Variants in WNK1 observed in about 807,000 individuals in gnomAD.
WNK1 encodes the protein serine/threonine-protein kinase WNK1.
A neutral mutation model predicts 222.8 loss-of-function variants in WNK1; 38 were observed. The observed-to-expected ratio is 0.17, with a 90% CI of 0.13 to 0.22. The LOEUF is 0.22. Ranked by LOEUF, WNK1 falls within the 10% of genes least tolerant of loss-of-function variation. The probability of loss-of-function intolerance (pLI) is 1.00; values close to 1 mark genes in which losing one functional copy is unlikely to be tolerated. For missense variants in WNK1, 2,348 were observed against 2,918.4 expected, an observed-to-expected ratio of 0.80 and a Z score of 4.50; for synonymous variants, 1,090 against 1,092.9, an observed-to-expected ratio of 1.00 and a Z score of 0.05.
chr12:861,145 G>A lies in WNK1; in HGVS notation c.1753G>A (p.Glu585Lys), dbSNP rs758783032. Residue 585 changes from glutamate (E) to lysine (K), a missense_variant, in exon 7 of 28, where the codon GAA (glutamate) becomes AAA (lysine). Around this residue, in one of 13 missense-constraint regions of WNK1, gnomAD observed 103 missense variants for 111.5 expected, o/e 0.92. Coordinates refer to ENST00000315939, the MANE Select transcript of WNK1 (RefSeq NM_018979.4). ...VREEQEKKKQ[E>K]ESSLKQQVEQ... is the part of the protein sequence containing the mutation. ...GGAGGAGCAAGAAAAAAAAAAGCAG[G>A]AAGAGAGCAGTCTCAAACAGCAGGT... 6.2e-7 allele frequency: 1 copy of A among 1,613,834 alleles called. No homozygotes were observed.
chr12:871,984 C>T (rs1952194955), intron 9 of WNK1, among the ~76,000 whole-genome samples: 1 of 152,168 alleles, frequency 6.6e-6, no homozygotes, highest in African/African-American at 2.4e-5. Context: ...AGTGATTTGT[C>T]ATTACCTTCA....
At position 908,852 on chromosome 12, in the gene WNK1, T is replaced by TGGGGGGGGGGGGGGGGG; in HGVS notation, c.*65_*66insGGGGGGGGGGGGGGGGG. On this transcript the variant is annotated 3_prime_UTR_variant, in exon 28 of 28. Transcript: ENST00000315939. ...GGAGATGGAATGCTGAGGGGGTGGG[T>TGGGGGGGGGGGGGGGGG]GGGGGTGGGAAGTAGCCTATATACT... The TGGGGGGGGGGGGGGGGG allele has an allele frequency of 4.2e-6, 1 of 237,430 alleles. No individual in the cohort carries two copies. Among genetic ancestry groups the TGGGGGGGGGGGGGGGGG allele is most frequent in the Admixed American group, 4.8e-5 (1 of 20,810 alleles). The allele number at this position is 237,430 out of a possible 1,614,324, so 14.7% of individuals were successfully genotyped here. A position where few individuals can be genotyped will look rare whatever the true frequency, so the allele number is the denominator to read the frequency against.
At chr12:851,987 A>G (rs1255743852) in intron 4 of WNK1, among the ~76,000 whole-genome samples, 1 of 152,090 alleles carries the variant, frequency 6.6e-6, no homozygotes, top group Non-Finnish European at 1.5e-5. Flanking sequence ...GCTTTTGTAA[A>G]TTCTGAATGG....
chr12:757,606 C>G (rs968166764), intron 1 of WNK1, among the ~76,000 whole-genome samples: 4 of 152,052 alleles, frequency 2.6e-5, no homozygotes, highest in African/African-American at 9.7e-5. Context: ...TTTTATTAGA[C>G]AAGTAGTGCA....
At position 907,899 on chromosome 12, in the gene WNK1, A is replaced by G; in HGVS notation, c.6696A>G (p.Gln2232=). 1 of 1,614,120 alleles carries G rather than the reference A, an allele frequency of 6.2e-7. No individual in the cohort carries two copies. Among genetic ancestry groups the G allele is most frequent in the Non-Finnish European group, 8.5e-7 (1 of 1,180,030 alleles). ...VGATVNSQAA[Q]AQPPAMTSSR... Reference sequence around the variant, plus strand: ...CAACAGTGAACAGCCAAGCCGCCCAAGCTCAGCCTCCTGCCATGACGTCCA... The same window carrying G: ...CAACAGTGAACAGCCAAGCCGCCCAGGCTCAGCCTCCTGCCATGACGTCCA... The change falls in exon 27 of 28, where the codon CAA becomes CAG. Residue 2232 remains glutamine (Q), a synonymous_variant. Transcript: ENST00000315939.
At position 763,186 on chromosome 12, in the gene WNK1, G is replaced by A. The variant is rs1017703545; in HGVS notation, c.759+8862G>A. On this transcript the variant is annotated intron_variant, in intron 1 of 27. Transcript: ENST00000315939. The stretch of plus-strand genomic sequence containing the variant: ...CCATTAGACTAAGTGACTAAAGGAC[G>A]AGATGGGTGGGTGGCATTAACAGTG... Among the ~76,000 whole-genome samples the A allele has an allele frequency of 4.7e-5, 7 of 147,590 alleles. 2 individuals carry two copies. Among genetic ancestry groups the A allele is most frequent in the South Asian group, 2.2e-4 (1 of 4,500 alleles).
At chr12:770,438 ATGT>A (rs1249879053) in intron 1 of WNK1, among the ~76,000 whole-genome samples, 1 of 152,214 alleles carries the variant, frequency 6.6e-6, no homozygotes, top group Non-Finnish European at 1.5e-5. Context: ...TGAAATGATG[ATGT>A]TTAGATATAT....
At chr12:844,977 G>C in intron 4 of WNK1, among the ~76,000 whole-genome samples, 1 of 133,738 alleles carries the variant, frequency 7.5e-6, no homozygotes, top group Non-Finnish European at 1.6e-5. Flanking sequence ...CTCACTGCAA[G>C]CTCCGCCTCC....
At chr12:804,521 C>T (rs890527557) in intron 1 of WNK1, among the ~76,000 whole-genome samples, 15 of 151,974 alleles carry the variant, frequency 9.9e-5, no homozygotes, top group Non-Finnish European at 1.6e-4. Context: ...TACAGGCTCC[C>T]GCTGCCACGC....
intron 20 of WNK1, among the ~76,000 whole-genome samples, chr12:888,097 G>A (rs72650745): frequency 2.0e-5 from 3 of 152,316 alleles, no homozygotes; most frequent in Non-Finnish European, 4.4e-5. Context: ...CTTCTGACAT[G>A]AGACAAGCCA....
At chr12:890,868 C>T (rs1453639009) in intron 22 of WNK1, among the ~76,000 whole-genome samples, 4 of 152,170 alleles carry the variant, frequency 2.6e-5, no homozygotes, top group Non-Finnish European at 5.9e-5. Flanking sequence ...ATAGTCTGGA[C>T]ATATATTTGT....
chr12:868,051 C>T (rs373921737), intron 8 of WNK1: 3 of 1,614,020 alleles, frequency 1.9e-6, no homozygotes, highest in Non-Finnish European at 2.5e-6. Flanking sequence ...ACTTCCAACC[C>T]CTGCTGAGGA....
At chr12:859,618 T>A (rs1219268260) in intron 6 of WNK1, among the ~76,000 whole-genome samples, 154 bp downstream of exon 6, 1 of 53,942 alleles carries the variant, frequency 1.9e-5, no homozygotes, top group Non-Finnish European at 4.0e-5. Flanking sequence ...TTAGTGGGAT[T>A]TTCGTGTGTG....
At chr12:891,781 T>C (rs1954264792) in intron 22 of WNK1, among the ~76,000 whole-genome samples, 1 of 151,934 alleles carries the variant, frequency 6.6e-6, no homozygotes, top group Non-Finnish European at 1.5e-5. Context: ...AGACAAAAAT[T>C]TAGCCAGCTG....
chr12:769,449 G>A (rs1032612473), intron 1 of WNK1, among the ~76,000 whole-genome samples: 2 of 152,172 alleles, frequency 1.3e-5, no homozygotes, highest in Non-Finnish European at 2.9e-5. Context: ...TGATCTTCCC[G>A]TCTCAGCCTC....
intron 8 of WNK1, among the ~76,000 whole-genome samples, chr12:862,880 C>T (rs1335201278): frequency 6.6e-6 from 1 of 152,108 alleles, no homozygotes; most frequent in Non-Finnish European, 1.5e-5. Context: ...TGTTTTATTA[C>T]TGATTTATTT....
At position 752,585 on chromosome 12, in the gene WNK1, C is replaced by G. The variant is rs1939376322; in HGVS notation, c.-981C>G. On this transcript the variant is annotated 5_prime_UTR_variant, in exon 1 of 28. Coordinates refer to ENST00000315939, the MANE Select transcript of WNK1 (RefSeq NM_018979.4). The stretch of plus-strand genomic sequence containing the variant: ...CGGGCTGTGTGGAGGCTTCAGACTC[C>G]CGGCGCCATTTAGCGCGGAGAGTTT... 6.6e-6 allele frequency: 1 copy of G among 152,254 alleles called. No individual in the cohort carries two copies. The highest frequency in any genetic ancestry group is 1.5e-5 in the Non-Finnish European group (1 of 68,134). 9.4% of individuals were successfully genotyped at this position (152,254 alleles called of 1,614,324 possible). A position where few individuals can be genotyped will look rare whatever the true frequency, so the allele number is the denominator to read the frequency against.
chr12:805,578 C>T (rs1019313009), intron 1 of WNK1, among the ~76,000 whole-genome samples: 1 of 152,034 alleles, frequency 6.6e-6, no homozygotes, highest in Non-Finnish European at 1.5e-5. Flanking sequence ...GGCTGTCTTC[C>T]TTTATAAATA....
At chr12:906,432 C>T in intron 26 of WNK1, 1 of 985,358 alleles carries the variant, frequency 1.0e-6, no homozygotes. Context: ...CCTTTGCACC[C>T]TGCCTCAGCT....
Sources: allele counts gnomAD v4.1 joint callset (sites outside exome capture counted in the v4.1 genomes callset), GRCh38; gene constraint gnomAD v4.1.1; regional missense constraint gnomAD v4.1.1; transcripts MANE v1.5; gene names NCBI Gene and HGNC (gene_info 2026-07-23, HGNC 2026-07-21).